MARCHF1: variants seen among roughly 807,000 people sequenced by gnomAD.
MARCHF1 encodes membrane associated ring-CH-type finger 1.
Under a neutral mutation model 54.2 loss-of-function variants are expected in MARCHF1, and 40 were observed. That is an observed-to-expected ratio of 0.74 (90% CI 0.57 to 0.96). The LOEUF is 0.96. Among genes scored for constraint, MARCHF1 ranks in the 40% least tolerant of loss-of-function variants. The pLI is 0.00. For synonymous variants in MARCHF1, 236 were observed against 236.3 expected (o/e 1.00, Z 0.01); for missense variants, 586 against 656.5 (o/e 0.89, Z 1.17).
At chr4:164,378,421 G>T (rs1422353871) in intron 1 of MARCHF1, among the ~76,000 whole-genome samples, 1 of 152,224 alleles carries the variant, frequency 6.6e-6, no homozygotes, top group African/African-American at 2.4e-5. Flanking sequence ...ACACATATGA[G>T]TGGAGGCTAA....
At chr4:163,849,206 C>T (rs1749575228) in intron 4 of MARCHF1, among the ~76,000 whole-genome samples, 1 of 152,132 alleles carries the variant, frequency 6.6e-6, no homozygotes, top group African/African-American at 2.4e-5. Flanking sequence ...CCTAAGTCAC[C>T]TTGGACAGGT....
chr4:163,760,465 T>C (rs889695886), intron 4 of MARCHF1, among the ~76,000 whole-genome samples: 1 of 152,220 alleles, frequency 6.6e-6, no homozygotes, highest in Non-Finnish European at 1.5e-5. Context: ...TAGTTTATTC[T>C]AGTCCTTATA....
chr4:164,006,106 A>G (rs1753281198), intron 2 of MARCHF1, among the ~76,000 whole-genome samples: 1 of 152,180 alleles, frequency 6.6e-6, no homozygotes, highest in Non-Finnish European at 1.5e-5. Flanking sequence ...TGACCTCAAC[A>G]AAAGGATAAG....
At chr4:164,107,300 T>C (rs1180420658) in intron 2 of MARCHF1, among the ~76,000 whole-genome samples, 1 of 152,140 alleles carries the variant, frequency 6.6e-6, no homozygotes, top group Non-Finnish European at 1.5e-5. Flanking sequence ...GCACATATAA[T>C]GATATATTGA....
intron 4 of MARCHF1, among the ~76,000 whole-genome samples, chr4:163,818,376 C>A (rs1314547728): frequency 6.6e-6 from 1 of 151,820 alleles, no homozygotes; most frequent in African/African-American, 2.4e-5. Flanking sequence ...AGGTATTAAC[C>A]CCAGCATCCA....
intron 4 of MARCHF1, among the ~76,000 whole-genome samples, chr4:163,732,278 G>T (rs1192824130): frequency 6.6e-6 from 1 of 151,940 alleles, no homozygotes; most frequent in East Asian, 1.9e-4. Context: ...GTACTGAATG[G>T]TAGCAACAGT....
chr4:163,982,623 G>C (rs1192531553), intron 3 of MARCHF1, among the ~76,000 whole-genome samples: 1 of 152,116 alleles, frequency 6.6e-6, no homozygotes, highest in East Asian at 1.9e-4. Flanking sequence ...AAATTGTTTG[G>C]TTTTTAACAA....
intron 4 of MARCHF1, among the ~76,000 whole-genome samples, chr4:163,757,492 G>C (rs1746710309): frequency 6.6e-6 from 1 of 152,118 alleles, no homozygotes; most frequent in Non-Finnish European, 1.5e-5. Flanking sequence ...CTGTAATAAT[G>C]ATGTCATTTT....
At chr4:163,965,420 A>C (rs1321502395) in intron 3 of MARCHF1, among the ~76,000 whole-genome samples, 1 of 152,054 alleles carries the variant, frequency 6.6e-6, no homozygotes, top group Admixed American at 6.6e-5. Context: ...TTTATAGATG[A>C]GGAAACTAAT....
At chr4:164,079,558 C>T (rs188436272) in intron 2 of MARCHF1, among the ~76,000 whole-genome samples, 1 of 152,156 alleles carries the variant, frequency 6.6e-6, no homozygotes, top group East Asian at 1.9e-4. Flanking sequence ...AAAAAATATA[C>T]TAGAAAATAT....
intron 3 of MARCHF1, among the ~76,000 whole-genome samples, chr4:163,903,481 A>G (rs1227463973): frequency 6.6e-6 from 1 of 152,206 alleles, no homozygotes; most frequent in African/African-American, 2.4e-5. Context: ...TAAATAGATG[A>G]TTTGTATGTT....
intron 1 of MARCHF1, among the ~76,000 whole-genome samples, chr4:164,350,800 C>T (rs1730284682): frequency 6.6e-6 from 1 of 152,092 alleles, no homozygotes; most frequent in Non-Finnish European, 1.5e-5. Flanking sequence ...CTACAGCTCC[C>T]AGCGTGAGCG....
intron 1 of MARCHF1, among the ~76,000 whole-genome samples, chr4:164,261,879 A>G (rs1160358913): frequency 1.3e-5 from 2 of 152,100 alleles, no homozygotes; most frequent in African/African-American, 2.4e-5. Context: ...AGTGGCTCAC[A>G]CCTGTAATCC....
intron 1 of MARCHF1, among the ~76,000 whole-genome samples, chr4:164,336,871 T>C (rs1579731282): frequency 6.6e-6 from 1 of 152,178 alleles, no homozygotes; most frequent in Non-Finnish European, 1.5e-5. Flanking sequence ...GGCATTTTAA[T>C]GGCTCTGGAA....
At chr4:163,729,246 T>G (rs1277515714) in intron 4 of MARCHF1, among the ~76,000 whole-genome samples, 1 of 152,126 alleles carries the variant, frequency 6.6e-6, no homozygotes, top group Non-Finnish European at 1.5e-5. Context: ...TTTGTTTTTT[T>G]GTTTCAATGC....
At chr4:164,167,628 T>C (rs967217738) in intron 1 of MARCHF1, among the ~76,000 whole-genome samples, 1 of 151,724 alleles carries the variant, frequency 6.6e-6, no homozygotes, top group Non-Finnish European at 1.5e-5. Context: ...GATTCAAACA[T>C]ATAAGGGCAA....
At chr4:163,871,036 T>C (rs943260218) in intron 3 of MARCHF1, among the ~76,000 whole-genome samples, 2 of 152,172 alleles carry the variant, frequency 1.3e-5, no homozygotes, top group African/African-American at 4.8e-5. Context: ...GTGATGAATA[T>C]AATAATTACC....
chr4:163,953,915 A>G lies in MARCHF1; in HGVS notation c.-39+34586T>C, dbSNP rs190096357. 1.4e-4 allele frequency among the ~76,000 whole-genome samples: 22 copies of G among 152,262 alleles called. No individual in the cohort carries two copies. The East Asian group carries it at 3.3e-3, about 23-fold the overall frequency. On this transcript the variant is annotated intron_variant, in intron 3 of 9. Transcript: ENST00000514618. ...ATGAGACACAGAACCTAAAATATTT[A>G]TTATCTGGCCTTTTACAGAAAAAGT...
At chr4:164,291,455 T>C (rs1489695531) in intron 1 of MARCHF1, among the ~76,000 whole-genome samples, 4 of 152,082 alleles carry the variant, frequency 2.6e-5, no homozygotes, top group Non-Finnish European at 5.9e-5. Flanking sequence ...TTACATGCCA[T>C]AAGACATAAT....
Sources: gnomAD v4.1 joint callset for allele counts (sites outside exome capture counted in the v4.1 genomes callset) on GRCh38, gnomAD v4.1.1 for gene constraint, MANE v1.5 for transcripts, NCBI Gene and HGNC (gene_info 2026-07-23, HGNC 2026-07-21) for gene names.